The following CADPS2 variants were observed in gnomAD, a reference collection of about 807,000 sequenced individuals.
The protein encoded by CADPS2 is calcium dependent secretion activator 2, also known as calcium-dependent secretion activator 2.
In CADPS2, 93 loss-of-function variants were observed where a neutral mutation model predicts 172.5. The ratio of observed to expected loss-of-function variants is 0.54; its 90% CI spans 0.46 to 0.64. The LOEUF (loss-of-function observed/expected upper bound fraction) is 0.64, where lower values mean the gene tolerates loss of function less well. Among genes scored for constraint, CADPS2 ranks in the 30% least tolerant of loss-of-function variants. The probability of loss-of-function intolerance (pLI) is 0.00; values close to 1 mark genes in which losing one functional copy is unlikely to be tolerated. For missense variants in CADPS2, 1,420 were observed against 1,565.9 expected (o/e 0.91, Z 1.57); for synonymous variants, 546 against 555.2 (o/e 0.98, Z 0.23).
intron 2 of CADPS2, among the ~76,000 whole-genome samples, chr7:122,724,846 T>A (rs2090913522): frequency 6.6e-6 from 1 of 152,060 alleles, no homozygotes; most frequent in Non-Finnish European, 1.5e-5. Context: ...CTTTTGGCAG[T>A]CTGTTGAAGT....
chr7:122,737,913 C>T (rs2092266051), intron 1 of CADPS2, among the ~76,000 whole-genome samples: 1 of 151,976 alleles, frequency 6.6e-6, no homozygotes, highest in Non-Finnish European at 1.5e-5. Flanking sequence ...CCATTGCATG[C>T]CAAAATTTGG....
intron 17 of CADPS2, among the ~76,000 whole-genome samples, chr7:122,431,930 T>TGGGGGG: frequency 1.0e-4 from 1 of 9,808 alleles, no homozygotes; most frequent in African/African-American, 4.4e-4. Context: ...GGGGCGGGGG[T>TGGGGGG]GGGGGTGGGG....
chr7:122,357,074 T>C (rs146734990), intron 27 of CADPS2, among the ~76,000 whole-genome samples: 21 of 152,310 alleles, frequency 1.4e-4, no homozygotes, highest in African/African-American at 4.6e-4. Context: ...AAAATACTGT[T>C]AAATGTAACC....
At chr7:122,714,225 G>A (rs907273096) in intron 2 of CADPS2, among the ~76,000 whole-genome samples, 4 of 151,798 alleles carry the variant, frequency 2.6e-5, no homozygotes, top group Non-Finnish European at 5.9e-5. Context: ...ACTCAGGTGG[G>A]AAAAGTAAAC....
chr7:122,433,539 G>A (rs2050248398), intron 17 of CADPS2, among the ~76,000 whole-genome samples: 1 of 151,832 alleles, frequency 6.6e-6, no homozygotes, highest in Admixed American at 6.6e-5. Flanking sequence ...AAGTAGCTGG[G>A]ATTGCAGGCA....
chr7:122,507,522 G>A (rs925884143), intron 9 of CADPS2, among the ~76,000 whole-genome samples: 5 of 152,246 alleles, frequency 3.3e-5, no homozygotes, highest in Middle Eastern at 3.4e-3. Context: ...AAGTCAAGAC[G>A]TGGCTCAGTG....
chr7:122,769,126 C>T (rs2093637843), intron 1 of CADPS2, among the ~76,000 whole-genome samples: 1 of 152,190 alleles, frequency 6.6e-6, no homozygotes, highest in Non-Finnish European at 1.5e-5. Context: ...AAGTAATGTT[C>T]TGCTTTTTTA....
chr7:122,426,598 T>C (rs1345574991), intron 17 of CADPS2, among the ~76,000 whole-genome samples: 1 of 152,274 alleles, frequency 6.6e-6, no homozygotes, highest in Non-Finnish European at 1.5e-5. Flanking sequence ...TTATAAACCC[T>C]GTTGATAAAT....
At chr7:122,737,387 C>G (rs1002087005) in intron 1 of CADPS2, among the ~76,000 whole-genome samples, 1 of 152,076 alleles carries the variant, frequency 6.6e-6, no homozygotes, top group South Asian at 2.1e-4. Flanking sequence ...TCACGCCTTG[C>G]TAATTTTTGT....
At chr7:122,477,232 G>A (rs2056800310) in intron 12 of CADPS2, among the ~76,000 whole-genome samples, 1 of 152,166 alleles carries the variant, frequency 6.6e-6, no homozygotes, top group Non-Finnish European at 1.5e-5. Flanking sequence ...ACTGAAAACT[G>A]ACGGGCACAA....
At chr7:122,667,097 T>C (rs1456665605) in intron 2 of CADPS2, among the ~76,000 whole-genome samples, 2 of 152,222 alleles carry the variant, frequency 1.3e-5, no homozygotes, top group Non-Finnish European at 2.9e-5. Flanking sequence ...CCCTGTTCAA[T>C]TATTGTGTGT....
At chr7:122,790,422 G>C (rs977265134) in intron 1 of CADPS2, among the ~76,000 whole-genome samples, 1 of 143,406 alleles carries the variant, frequency 7.0e-6, no homozygotes, top group Admixed American at 7.0e-5. Flanking sequence ...AAAAAGAAAA[G>C]AATTAAGTTT....
At chr7:122,506,806 T>A (rs533472453) in intron 9 of CADPS2, among the ~76,000 whole-genome samples, 4 of 151,490 alleles carry the variant, frequency 2.6e-5, no homozygotes, top group Admixed American at 1.3e-4. Flanking sequence ...AAGATCCAGA[T>A]AGATTGGACA....
At chr7:122,780,596 C>T (rs1287627005) in intron 1 of CADPS2, among the ~76,000 whole-genome samples, 1 of 152,044 alleles carries the variant, frequency 6.6e-6, no homozygotes, top group Non-Finnish European at 1.5e-5. Flanking sequence ...TAGAGTGCAG[C>T]CTCAACCTCC....
At chr7:122,730,626 T>C (rs772477301) in intron 2 of CADPS2, among the ~76,000 whole-genome samples, 4 of 151,756 alleles carry the variant, frequency 2.6e-5, no homozygotes, top group Admixed American at 6.6e-5. Context: ...TAAAGTATGC[T>C]AATGTCATAT....
At position 122,388,665 on chromosome 7, in the gene CADPS2, A is replaced by G; in HGVS notation, c.3082T>C (p.Trp1028Arg). Reference protein sequence around the residue: ...ALQMFVFDLHWPEQEFAHHLE... With the variant: ...ALQMFVFDLHRPEQEFAHHLE... Reference sequence around the variant, plus strand: ...TGGTGGGCAAATTCCTGTTCTGGCCAGTGCAGATCAAAGACAAACATTTGC... The same window carrying G: ...TGGTGGGCAAATTCCTGTTCTGGCCGGTGCAGATCAAAGACAAACATTTGC... The change falls in exon 23 of 30, where the codon TGG (tryptophan) becomes CGG (arginine). Residue 1028 changes from tryptophan (W) to arginine (R), a missense_variant. Physicochemically the swap from Trp to Arg is moderately radical, Grantham distance 101. Transcript: ENST00000449022. 6.2e-7 allele frequency: 1 copy of G among 1,611,182 alleles called. No individual in the cohort carries two copies. Among genetic ancestry groups the G allele is most frequent in the Non-Finnish European group, 8.5e-7 (1 of 1,178,314 alleles).
chr7:122,809,804 C>G (rs1799634740), intron 1 of CADPS2, among the ~76,000 whole-genome samples: 1 of 152,138 alleles, frequency 6.6e-6, no homozygotes, highest in Admixed American at 6.5e-5. Context: ...CCAGTCCACC[C>G]TCATAGGGTA....
chr7:122,843,639 G>A (rs1323514646), intron 1 of CADPS2, among the ~76,000 whole-genome samples: 1 of 152,182 alleles, frequency 6.6e-6, no homozygotes. Flanking sequence ...TTTGACAAAA[G>A]AAAGGTAATT....
chr7:122,836,982 T>C (rs1278370233), intron 1 of CADPS2, among the ~76,000 whole-genome samples: 2 of 152,198 alleles, frequency 1.3e-5, no homozygotes, highest in African/African-American at 2.4e-5. Context: ...TACATTCTTC[T>C]CAGCACCATA....
Sources: allele counts gnomAD v4.1 joint callset (sites outside exome capture counted in the v4.1 genomes callset), GRCh38; gene constraint gnomAD v4.1.1; transcripts MANE v1.5; gene names NCBI Gene and HGNC (gene_info 2026-07-23, HGNC 2026-07-21).